The following NCOA3 variants were observed in gnomAD, a reference collection of about 807,000 sequenced individuals.
NCOA3 encodes the protein nuclear receptor coactivator 3.
In NCOA3, 51 loss-of-function variants were observed where a neutral mutation model predicts 158.8. The observed-to-expected ratio is 0.32, with a 90% CI of 0.26 to 0.41. The LOEUF is 0.41. NCOA3 is among the 10% of genes least tolerant of loss of function. The probability of loss-of-function intolerance (pLI) is 1.00; values close to 1 mark genes in which losing one functional copy is unlikely to be tolerated. For missense variants in NCOA3, 1,510 were observed against 1,746.6 expected, an observed-to-expected ratio of 0.86 and a Z score of 2.41; for synonymous variants, 537 against 592.4, an observed-to-expected ratio of 0.91 and a Z score of 1.36.
Position 47,649,027 on chromosome 20 carries a change from C to T in NCOA3, c.3569C>T (p.Ala1190Val). ...CAGTTTTTGAATCAGAGCCGACAGG[C>T]ACTTGAATTGAAAATGGAAAACCCT... The part of the protein sequence containing the change: ...GQQFLNQSRQ[A>V]LELKMENPTA... The change falls in exon 19 of 23, where the codon GCA (alanine) becomes GTA (valine). Residue 1190 changes from alanine (A) to valine (V), a missense_variant. Physicochemically the swap from Ala to Val is moderately conservative, Grantham distance 64. Coordinates refer to ENST00000371998, the MANE Select transcript of NCOA3 (RefSeq NM_181659.3). The T allele has an allele frequency of 6.2e-7, 1 of 1,613,582 alleles. No individual in the cohort carries two copies. Among genetic ancestry groups the T allele is most frequent in the South Asian group, 1.1e-5 (1 of 91,056 alleles).
At chr20:47,628,831 G>C (rs530935938) in intron 8 of NCOA3, 1 of 152,248 alleles carries the variant, frequency 6.6e-6, no homozygotes, top group Admixed American at 6.5e-5. Flanking sequence ...AAACACTGTG[G>C]CAATATTATT....
chr20:47,649,239 C>T (rs186444488), intron 19 of NCOA3, 130 bp downstream of exon 19: 61 of 547,672 alleles, frequency 1.1e-4, no homozygotes, highest in Non-Finnish European at 1.8e-4. Flanking sequence ...AGAAAGCAGT[C>T]GCATTAAAGA....
intron 2 of NCOA3, among the ~76,000 whole-genome samples, chr20:47,593,575 C>T (rs1406993518): frequency 6.6e-6 from 1 of 151,318 alleles, no homozygotes; most frequent in South Asian, 2.1e-4. Flanking sequence ...GATCTCCTGA[C>T]CTCGTGATCC....
At chr20:47,636,942 G>A (rs948990588) in intron 12 of NCOA3, among the ~76,000 whole-genome samples, 180 bp downstream of exon 12, 1 of 152,006 alleles carries the variant, frequency 6.6e-6, no homozygotes, top group Non-Finnish European at 1.5e-5. Context: ...TAACAGATGT[G>A]TATGTTTTAA....
chr20:47,511,550 T>TATATATATATATATACACACACAC, intron 1 of NCOA3, among the ~76,000 whole-genome samples: 1 of 52,270 alleles, frequency 1.9e-5, no homozygotes, highest in African/African-American at 5.4e-5. Context: ...TATATATATA[T>TATATATATATATATACACACACAC]ATATATTTCT....
At chr20:47,558,234 T>A (rs1437030681) in intron 1 of NCOA3, among the ~76,000 whole-genome samples, 2 of 45,410 alleles carry the variant, frequency 4.4e-5, no homozygotes, top group Admixed American at 1.9e-4. Context: ...AATTTTGTAT[T>A]TTTTTTTTTT....
At chr20:47,622,165 C>CA (rs1258025085) in intron 2 of NCOA3, 64 bp from the exon 3 acceptor site, 24 of 816,130 alleles carry the variant, frequency 2.9e-5, no homozygotes, top group East Asian at 2.3e-4. Flanking sequence ...AGTCATATAA[C>CA]ACCTTCATAG....
At chr20:47,617,070 C>T (rs6090707) in intron 2 of NCOA3, among the ~76,000 whole-genome samples, 2 of 152,172 alleles carry the variant, frequency 1.3e-5, no homozygotes, top group Admixed American at 1.3e-4. Flanking sequence ...TTTCTCCTGC[C>T]TCAGCTTCCT....
At chr20:47,526,524 C>A (rs889054709) in intron 1 of NCOA3, among the ~76,000 whole-genome samples, 4 of 152,198 alleles carry the variant, frequency 2.6e-5, no homozygotes, top group African/African-American at 9.6e-5. Context: ...CTCGGGAGGC[C>A]GAGGCTGGCG....
intron 1 of NCOA3, among the ~76,000 whole-genome samples, chr20:47,531,339 T>TCAAACAAACAAACAAA (rs10664468): frequency 9.3e-5 from 14 of 150,576 alleles, no homozygotes; most frequent in African/African-American, 3.4e-4. Context: ...CGAGACTATC[T>TCAAACAAACAAACAAA]CAAACAAACA....
chr20:47,640,288 C>T (rs550701649), intron 16 of NCOA3, among the ~76,000 whole-genome samples: 2 of 152,258 alleles, frequency 1.3e-5, no homozygotes, highest in African/African-American at 4.8e-5. Flanking sequence ...GCCATTAGGG[C>T]CATTCAGTGG....
chr20:47,526,259 C>T (rs929805231), intron 1 of NCOA3, among the ~76,000 whole-genome samples: 8 of 151,580 alleles, frequency 5.3e-5, no homozygotes, highest in East Asian at 2.0e-4. Context: ...CGGGCAGAGA[C>T]GCTCCTCACT....
chr20:47,558,334 G>A (rs1219279606), intron 1 of NCOA3, among the ~76,000 whole-genome samples: 4 of 146,600 alleles, frequency 2.7e-5, no homozygotes, highest in South Asian at 4.3e-4. Flanking sequence ...TGCCTGCCTC[G>A]GCGTCCCAAA....
intron 2 of NCOA3, among the ~76,000 whole-genome samples, chr20:47,586,080 C>T (rs376263971): frequency 1.6e-4 from 24 of 151,952 alleles, no homozygotes; most frequent in Middle Eastern, 3.4e-3. Flanking sequence ...CCACCCTGCC[C>T]GGCTAATTTT....
chr20:47,628,354 G>T, intron 8 of NCOA3: 2 of 188,548 alleles, frequency 1.1e-5, no homozygotes, highest in Non-Finnish European at 1.1e-5. Flanking sequence ...TTGTCATAAA[G>T]AAACATGTTT....
chr20:47,593,374 G>C (rs138885577), intron 2 of NCOA3, among the ~76,000 whole-genome samples: 3,448 of 104,626 alleles, frequency 0.033, 192 homozygotes, highest in African/African-American at 0.12. Context: ...AGACAGTCTC[G>C]CTCTGTTGCC....
intron 8 of NCOA3, chr20:47,630,719 C>T (rs1044901024): frequency 6.6e-6 from 1 of 152,286 alleles, no homozygotes; most frequent in Non-Finnish European, 1.5e-5. Flanking sequence ...ACCTCGGCCT[C>T]CCAAAGTGTT....
At chr20:47,557,136 T>A (rs2085019916) in intron 1 of NCOA3, among the ~76,000 whole-genome samples, 1 of 152,214 alleles carries the variant, frequency 6.6e-6, no homozygotes, top group Non-Finnish European at 1.5e-5. Flanking sequence ...ATAGAACGGA[T>A]TCCTGAAAGT....
At chr20:47,562,931 T>C (rs1408642356) in intron 1 of NCOA3, among the ~76,000 whole-genome samples, 6 of 152,232 alleles carry the variant, frequency 3.9e-5, no homozygotes, top group Non-Finnish European at 1.5e-5. Flanking sequence ...TTAAAAATAA[T>C]GATGAGGTCT....
Sources: gnomAD v4.1 joint callset for allele counts (sites outside exome capture counted in the v4.1 genomes callset) on GRCh38, gnomAD v4.1.1 for gene constraint, MANE v1.5 for transcripts, NCBI Gene and HGNC (gene_info 2026-07-23, HGNC 2026-07-21) for gene names.